PREX1: variants seen among roughly 807,000 people sequenced by gnomAD.
PREX1 encodes phosphatidylinositol-3,4,5-trisphosphate dependent Rac exchange factor 1, also known as phosphatidylinositol 3,4,5-trisphosphate-dependent Rac exchanger 1 protein.
A neutral mutation model predicts 198.3 loss-of-function variants in PREX1; 41 were observed. The observed-to-expected ratio is 0.21, with a 90% CI of 0.16 to 0.27. The LOEUF (loss-of-function observed/expected upper bound fraction) is 0.27, where lower values mean the gene tolerates loss of function less well. Among genes scored for constraint, PREX1 ranks in the 10% least tolerant of loss-of-function variants. PREX1 has a pLI of 1.00. For missense variants in PREX1, 1,620 were observed against 2,200.7 expected, an observed-to-expected ratio of 0.74 and a Z score of 5.28; for synonymous variants, 843 against 887.2, an observed-to-expected ratio of 0.95 and a Z score of 0.89.
upstream of PREX1, among the ~76,000 whole-genome samples, chr20:48,830,925 A>G (rs2090535916): frequency 6.6e-6 from 1 of 152,250 alleles, no homozygotes; most frequent in Non-Finnish European, 1.5e-5. Flanking sequence ...AATAGGATGC[A>G]TTTGGCTGCA....
At chr20:48,641,751 C>A (rs571696300) in intron 29 of PREX1, among the ~76,000 whole-genome samples, 1 of 151,484 alleles carries the variant, frequency 6.6e-6, no homozygotes, top group East Asian at 1.9e-4. Flanking sequence ...GTGATCATAC[C>A]ACTGTACTCC....
At chr20:48,699,813 A>G (rs1304573469) in intron 7 of PREX1, among the ~76,000 whole-genome samples, 1 of 152,008 alleles carries the variant, frequency 6.6e-6, no homozygotes, top group East Asian at 1.9e-4. Flanking sequence ...CTTCATATCC[A>G]TTTCTCTAAC....
the PREX1 span, among the ~76,000 whole-genome samples, chr20:48,840,186 T>C: frequency 4.6e-5 from 7 of 152,066 alleles, no homozygotes; most frequent in Non-Finnish European, 1.0e-4. Flanking sequence ...GGCTAATTTT[T>C]GTATTTTTTG....
At chr20:48,855,768 T>G in the PREX1 span, among the ~76,000 whole-genome samples, 9 of 152,156 alleles carry the variant, frequency 5.9e-5, no homozygotes, top group Non-Finnish European at 1.0e-4. Context: ...TGTGGTGGCA[T>G]GTGCCTGTAA....
intron 6 of PREX1, among the ~76,000 whole-genome samples, chr20:48,703,531 A>C (rs2089886402): frequency 6.6e-6 from 1 of 152,220 alleles, no homozygotes; most frequent in Non-Finnish European, 1.5e-5. Context: ...CACGGCAGAC[A>C]ACCGGTTCAG....
chr20:48,703,345 G>A (rs1413845572), intron 6 of PREX1, among the ~76,000 whole-genome samples: 2 of 152,206 alleles, frequency 1.3e-5, no homozygotes, highest in Admixed American at 6.5e-5. Flanking sequence ...CACGGCCTTC[G>A]GCTTGGCTGG....
chr20:48,700,963 A>G (rs370428116), intron 6 of PREX1, 77 bp from the exon 7 acceptor site: 8 of 1,591,942 alleles, frequency 5.0e-6, no homozygotes, highest in Middle Eastern at 1.7e-4. Flanking sequence ...AGAACCTACT[A>G]CCACCTCCTG....
At chr20:48,785,354 G>A (rs929907909) in intron 1 of PREX1, among the ~76,000 whole-genome samples, 3 of 152,232 alleles carry the variant, frequency 2.0e-5, no homozygotes, top group African/African-American at 4.8e-5. Flanking sequence ...ACCTGTGATG[G>A]GTGGCAGCCA....
chr20:48,865,052 C>T, the PREX1 span, among the ~76,000 whole-genome samples: 3 of 152,182 alleles, frequency 2.0e-5, no homozygotes, highest in South Asian at 6.2e-4. Context: ...GGGTCTTACC[C>T]AACCCTGCTT....
Position 48,666,326 on chromosome 20 carries a change from C to T in PREX1, c.1695G>A (p.Val565=). The change falls in exon 15 of 40, where the codon GTG becomes GTA. Residue 565 remains valine (V), a synonymous_variant. Coordinates refer to ENST00000371941, the MANE Select transcript of PREX1 (RefSeq NM_020820.4). This position sits in a 1 kb window ranked among gnomAD's most constrained non-coding sequence, Gnocchi z 4.3. ...QGDCQTREEA[V]ALGVGLCNNG... ...TGTTGCACAGACCCACGCCGAGCGC[C>T]ACTGCCTCCTCCCGAGTCTGGCAGT... 1 of 1,569,846 alleles carries T rather than the reference C, an allele frequency of 6.4e-7. No homozygotes were observed. The highest frequency in any genetic ancestry group is 1.2e-5 in the South Asian group (1 of 85,372).
intron 3 of PREX1, among the ~76,000 whole-genome samples, chr20:48,743,047 ACACT>A (rs1170337538): frequency 1.3e-5 from 2 of 152,174 alleles, no homozygotes; most frequent in Non-Finnish European, 2.9e-5. Context: ...GGCCGGAGTA[ACACT>A]CACAGCTGAC....
chr20:48,649,964 G>A (rs762312121), intron 24 of PREX1, 32 bp downstream of exon 24: 8 of 1,607,290 alleles, frequency 5.0e-6, no homozygotes, highest in South Asian at 1.1e-5. Flanking sequence ...TGCAACATCT[G>A]AACACAGTTT....
the PREX1 span, among the ~76,000 whole-genome samples, chr20:48,883,058 A>G: frequency 6.6e-6 from 1 of 150,874 alleles, no homozygotes; most frequent in Admixed American, 6.6e-5. Context: ...CTCAGCCTCC[A>G]GGCAGCTGGA....
chr20:48,691,033 T>C lies in PREX1; in HGVS notation c.1100A>G (p.Asn367Ser), dbSNP rs1002269614. ...CTTGGCCATGCAGACAAACCACTTA[T>C]TCTTGGCCGTGTTGTGGATCTTCCA... Reference protein sequence around the residue: ...NGWKIHNTAKNKWFVCMAKTA... With the variant: ...NGWKIHNTAKSKWFVCMAKTA... Residue 367 changes from asparagine (N) to serine (S), a missense_variant, in exon 9 of 40, where the codon AAT (asparagine) becomes AGT (serine). Coordinates refer to ENST00000371941, the MANE Select transcript of PREX1 (RefSeq NM_020820.4). The surrounding 1 kb of genome is among the most constrained non-coding windows in gnomAD (Gnocchi z 5.0). 3 of 1,614,138 alleles carry C rather than the reference T, an allele frequency of 1.9e-6. No homozygotes were observed. Among genetic ancestry groups the C allele is most frequent in the Admixed American group, 3.3e-5 (2 of 60,010 alleles).
At chr20:48,727,945 C>T (rs181161175) in intron 4 of PREX1, among the ~76,000 whole-genome samples, 112 of 152,312 alleles carry the variant, frequency 7.4e-4, no homozygotes, top group Middle Eastern at 3.4e-3. Flanking sequence ...TGTTTCCCTG[C>T]CATGCCCTTC....
the PREX1 span, among the ~76,000 whole-genome samples, chr20:48,887,949 CA>C: frequency 6.6e-6 from 1 of 151,512 alleles, no homozygotes; most frequent in Non-Finnish European, 1.5e-5. Flanking sequence ...GATTCCGTCT[CA>C]AAAAAATAAA....
chr20:48,789,515 G>A (rs2122962744), intron 1 of PREX1, among the ~76,000 whole-genome samples: 1 of 152,308 alleles, frequency 6.6e-6, no homozygotes, highest in South Asian at 2.1e-4. Context: ...TATAGATAAG[G>A]GAGCGGAGTC....
chr20:48,792,931 C>T (rs1414957955), intron 1 of PREX1, among the ~76,000 whole-genome samples: 3 of 151,898 alleles, frequency 2.0e-5, no homozygotes, highest in African/African-American at 7.2e-5. Context: ...GTGGGCCAGG[C>T]ATGGTGGCTC....
chr20:48,733,505 T>C (rs2090043590), intron 4 of PREX1, among the ~76,000 whole-genome samples: 1 of 152,132 alleles, frequency 6.6e-6, no homozygotes, highest in South Asian at 2.1e-4. Flanking sequence ...CTATCAGAGG[T>C]ATAAGTCTGG....
Sources: gnomAD v4.1 joint callset for allele counts (sites outside exome capture counted in the v4.1 genomes callset) on GRCh38, gnomAD v4.1.1 for gene constraint, Gnocchi (gnomAD v3.1) non-coding constraint, MANE v1.5 for transcripts, NCBI Gene and HGNC (gene_info 2026-07-23, HGNC 2026-07-21) for gene names.